The following EYA1 variants were observed in gnomAD, a reference collection of about 807,000 sequenced individuals.
EYA1 encodes the protein EYA transcriptional coactivator and phosphatase 1.
In EYA1, 16 loss-of-function variants were observed where a neutral mutation model predicts 82.0. The ratio of observed to expected loss-of-function variants is 0.20; its 90% CI spans 0.13 to 0.30. EYA1 has a LOEUF of 0.30. Among genes scored for constraint, EYA1 ranks in the 10% least tolerant of loss-of-function variants. The probability of loss-of-function intolerance (pLI) is 1.00; values close to 1 mark genes in which losing one functional copy is unlikely to be tolerated. For synonymous variants in EYA1, 261 were observed against 264.4 expected (o/e 0.99, Z 0.12); for missense variants, 633 against 730.7 (o/e 0.87, Z 1.54).
intron 2 of EYA1, among the ~76,000 whole-genome samples, chr8:71,383,679 G>A (rs2129102720): frequency 6.6e-6 from 1 of 152,198 alleles, no homozygotes; most frequent in Non-Finnish European, 1.5e-5. Flanking sequence ...TAGATATGTA[G>A]TGAGAATATA....
At chr8:71,417,178 G>A (rs1477243387) in intron 2 of EYA1, among the ~76,000 whole-genome samples, 2 of 152,106 alleles carry the variant, frequency 1.3e-5, no homozygotes, top group Non-Finnish European at 2.9e-5. Context: ...GCCTATTGTG[G>A]GACCTCACCT....
At chr8:71,392,638 A>T (rs1463650945) in intron 2 of EYA1, among the ~76,000 whole-genome samples, 1 of 152,196 alleles carries the variant, frequency 6.6e-6, no homozygotes. Flanking sequence ...ATAAATAATC[A>T]TTCTCACCTG....
rs151312593 is a variant in EYA1 at position 71,258,622 on chromosome 8, G to A, written c.1050+11118C>T. On this transcript the variant is annotated intron_variant, in intron 11 of 17. Coordinates refer to ENST00000340726, the MANE Select transcript of EYA1 (RefSeq NM_000503.6). Reference sequence around the variant, plus strand: ...TTTTCTAGGTCCCCAGGAAGGAGCGGAAGGGAGTACATTCTCACATGCCAT... The same window carrying A: ...TTTTCTAGGTCCCCAGGAAGGAGCGAAAGGGAGTACATTCTCACATGCCAT... Among the ~76,000 whole-genome samples the A allele has an allele frequency of 1.6e-4, 25 of 152,314 alleles. No individual in the cohort carries two copies. In the East Asian group the frequency reaches 4.8e-3, roughly 29 times the overall value.
intron 9 of EYA1, among the ~76,000 whole-genome samples, chr8:71,279,285 T>C (rs1256846390): frequency 3.3e-5 from 5 of 152,190 alleles, no homozygotes. Context: ...TAAAGCACAT[T>C]GTACACATGA....
intron 2 of EYA1, among the ~76,000 whole-genome samples, chr8:71,368,106 T>C (rs1586564225): frequency 6.6e-6 from 1 of 152,190 alleles, no homozygotes; most frequent in Admixed American, 6.5e-5. Flanking sequence ...ATAGTATCAA[T>C]GATCTGGTTT....
chr8:71,482,070 T>A (rs1810204391), intron 2 of EYA1, among the ~76,000 whole-genome samples: 1 of 152,060 alleles, frequency 6.6e-6, no homozygotes, highest in African/African-American at 2.4e-5. Flanking sequence ...ATTTAGAATT[T>A]CTATTTGTCA....
At chr8:71,464,665 C>T (rs186387151) in intron 2 of EYA1, among the ~76,000 whole-genome samples, 1 of 152,244 alleles carries the variant, frequency 6.6e-6, no homozygotes, top group Non-Finnish European at 1.5e-5. Context: ...AATTGCAATA[C>T]AACTTATTAA....
intron 12 of EYA1, among the ~76,000 whole-genome samples, chr8:71,218,501 C>A (rs1809484863): frequency 6.6e-6 from 1 of 152,144 alleles, no homozygotes; most frequent in Non-Finnish European, 1.5e-5. Flanking sequence ...TCCCAGCACG[C>A]AGCAAGTTCC....
At chr8:71,458,916 G>A (rs1808159762) in intron 2 of EYA1, among the ~76,000 whole-genome samples, 1 of 152,118 alleles carries the variant, frequency 6.6e-6, no homozygotes, top group Non-Finnish European at 1.5e-5. Flanking sequence ...CTGGATGGAA[G>A]AAAACACACA....
intron 7 of EYA1, among the ~76,000 whole-genome samples, chr8:71,316,768 TA>T (rs1332940154): frequency 2.0e-5 from 3 of 152,184 alleles, no homozygotes; most frequent in African/African-American, 7.2e-5. Context: ...GGAGGCCAAA[TA>T]TGATTCGTTG....
At chr8:71,243,296 GCTCT>G (rs935812387) in intron 12 of EYA1, among the ~76,000 whole-genome samples, 13 of 152,128 alleles carry the variant, frequency 8.5e-5, no homozygotes, top group African/African-American at 1.4e-4. Flanking sequence ...TTTTTGTGCT[GCTCT>G]CTAAGTGAAA....
intron 2 of EYA1, among the ~76,000 whole-genome samples, chr8:71,525,281 ATGGGAG>A (rs1347333760): frequency 6.6e-6 from 1 of 152,210 alleles, no homozygotes; most frequent in East Asian, 1.9e-4. Context: ...TTGATACAAG[ATGGGAG>A]TACAAAGTCA....
At position 71,361,927 on chromosome 8, in the gene EYA1, G is replaced by A; in HGVS notation, c.-335C>T. ...AACCCGCCACAGTGGACGGCAACAG[G>A]AAGGCTTAAAGTCGGAAGTGGCACT... On this transcript the variant is annotated 5_prime_UTR_variant, in exon 1 of 18. Transcript: ENST00000340726. 3.0e-6 allele frequency: 3 copies of A among 985,466 alleles called. No homozygotes were observed. The highest frequency in any genetic ancestry group is 3.6e-6 in the Non-Finnish European group (3 of 829,974). 61.0% of individuals were successfully genotyped at this position (985,466 alleles called of 1,614,324 possible).
At chr8:71,537,609 G>A (rs1247690800) in intron 1 of EYA1, among the ~76,000 whole-genome samples, 1 of 152,168 alleles carries the variant, frequency 6.6e-6, no homozygotes, top group Non-Finnish European at 1.5e-5. Context: ...ACCTATAAGA[G>A]GTAAGACAAA....
At chr8:71,266,907 C>G (rs1815897894) in intron 11 of EYA1, among the ~76,000 whole-genome samples, 1 of 152,190 alleles carries the variant, frequency 6.6e-6, no homozygotes, top group South Asian at 2.1e-4. Flanking sequence ...TTTCACTTCT[C>G]TGTCTTGTTT....
chr8:71,336,995 G>A (rs1345905619), intron 3 of EYA1, among the ~76,000 whole-genome samples: 1 of 152,214 alleles, frequency 6.6e-6, no homozygotes, highest in Non-Finnish European at 1.5e-5. Flanking sequence ...CCACCAGAGA[G>A]TTAAAAAGAT....
chr8:71,405,736 T>C (rs2129132596), intron 2 of EYA1, among the ~76,000 whole-genome samples: 1 of 152,296 alleles, frequency 6.6e-6, no homozygotes. Context: ...TCCGTTGTTA[T>C]TTGATGAGCA....
At chr8:71,370,472 A>T (rs1055663471) in intron 2 of EYA1, among the ~76,000 whole-genome samples, 3 of 151,304 alleles carry the variant, frequency 2.0e-5, no homozygotes, top group Non-Finnish European at 2.9e-5. Context: ...AGAAGTGTAA[A>T]TAAATGAAAA....
At chr8:71,462,366 C>T (rs1808423758) in intron 2 of EYA1, among the ~76,000 whole-genome samples, 1 of 152,214 alleles carries the variant, frequency 6.6e-6, no homozygotes, top group African/African-American at 2.4e-5. Context: ...GCTCCAACCC[C>T]TCTCCGAGAT....
Sources: gnomAD v4.1 joint callset for allele counts (sites outside exome capture counted in the v4.1 genomes callset) on GRCh38, gnomAD v4.1.1 for gene constraint, MANE v1.5 for transcripts, NCBI Gene and HGNC (gene_info 2026-07-23, HGNC 2026-07-21) for gene names.